Variants in CCDC150 observed in about 807,000 individuals in gnomAD.
CCDC150 encodes the protein coiled-coil domain-containing protein 150.
In CCDC150, 151 loss-of-function variants were observed where a neutral mutation model predicts 156.5. The ratio of observed to expected loss-of-function variants is 0.97; its 90% CI spans 0.85 to 1.10. The LOEUF (loss-of-function observed/expected upper bound fraction) is 1.10, where lower values mean the gene tolerates loss of function less well. Ranked by LOEUF, CCDC150 falls within the 50% of genes least tolerant of loss-of-function variation. CCDC150 has a pLI of 0.00. For missense variants in CCDC150, 1,312 were observed against 1,268.1 expected (o/e 1.03, Z -0.53); for synonymous variants, 452 against 429.4 (o/e 1.05, Z -0.65).
At chr2:196,674,199 T>C (rs759641993) in intron 9 of CCDC150, 42 bp from the exon 10 acceptor site, 1 of 1,171,564 alleles carries the variant, frequency 8.5e-7, no homozygotes, top group South Asian at 1.4e-5. Context: ...AAAATAATTC[T>C]TTATTGGAGA....
chr2:196,673,643 T>A (rs754854950), intron 9 of CCDC150, among the ~76,000 whole-genome samples: 1 of 152,170 alleles, frequency 6.6e-6, no homozygotes, highest in Non-Finnish European at 1.5e-5. Context: ...CAAATCTACC[T>A]TGCAAAAATA....
chr2:196,721,566 C>T lies in CCDC150; in HGVS notation c.2304C>T (p.Asn768=). ...QKALGVARED[N]RKLAMSLEQA... ...CTCTAGGTGTAGCTAGAGAAGACAA[C>T]AGGAAACTTGCTATGAGTCTGGAAC... The change falls in exon 21 of 28, where the codon AAC becomes AAT. Residue 768 remains asparagine (N), a synonymous_variant. Transcript: ENST00000389175. The T allele has an allele frequency of 6.2e-7, 1 of 1,608,266 alleles. No homozygotes were observed. Among genetic ancestry groups the T allele is most frequent in the Non-Finnish European group, 8.5e-7 (1 of 1,177,722 alleles).
intron 2 of CCDC150, among the ~76,000 whole-genome samples, chr2:196,647,942 A>G (rs1306990095): frequency 6.6e-6 from 1 of 152,044 alleles, no homozygotes; most frequent in East Asian, 1.9e-4. Flanking sequence ...TTTGTTAACT[A>G]CTGTTCTACA....
chr2:196,641,545 C>G (rs905361237), intron 1 of CCDC150, among the ~76,000 whole-genome samples: 2 of 152,254 alleles, frequency 1.3e-5, no homozygotes, highest in South Asian at 4.1e-4. Flanking sequence ...ATGTTCTTTC[C>G]TATTTCATTT....
intron 8 of CCDC150, among the ~76,000 whole-genome samples, chr2:196,670,705 G>T: frequency 6.6e-6 from 1 of 152,070 alleles, no homozygotes; most frequent in East Asian, 1.9e-4. Flanking sequence ...AGGAAAAAAT[G>T]TGTATGTATA....
intron 5 of CCDC150, among the ~76,000 whole-genome samples, chr2:196,663,276 G>A (rs759485989): frequency 6.6e-6 from 1 of 152,072 alleles, no homozygotes; most frequent in South Asian, 2.1e-4. Flanking sequence ...GTCTAAAAGT[G>A]CCCAAAAAAC....
chr2:196,668,627 GTTGT>G (rs994865909), intron 7 of CCDC150, among the ~76,000 whole-genome samples: 16 of 152,182 alleles, frequency 1.1e-4, no homozygotes, highest in African/African-American at 2.4e-5. Context: ...GGTACAAGTA[GTTGT>G]TTGAGCTACA....
intron 2 of CCDC150, among the ~76,000 whole-genome samples, chr2:196,646,723 GTTAA>G (rs1353697430): frequency 1.3e-5 from 2 of 152,186 alleles, no homozygotes; most frequent in East Asian, 3.9e-4. Flanking sequence ...TTTAAAATGT[GTTAA>G]TTAGGTATAC....
intron 17 of CCDC150, chr2:196,713,286 A>C: frequency 1.4e-6 from 2 of 1,404,378 alleles, no homozygotes; most frequent in Non-Finnish European, 1.9e-6. Context: ...TGTTTCTCCT[A>C]GTAAAGGGGC....
intron 15 of CCDC150, 45 bp downstream of exon 15, chr2:196,701,225 T>A (rs921219687): frequency 7.9e-7 from 1 of 1,260,018 alleles, no homozygotes. Context: ...ATTTTAAAAA[T>A]ACCAATTATC....
chr2:196,654,426 A>G (rs1008751092), intron 2 of CCDC150, among the ~76,000 whole-genome samples: 1 of 145,758 alleles, frequency 6.9e-6, no homozygotes, highest in African/African-American at 2.5e-5. Context: ...AGCTATCTTC[A>G]CTCCTTTTCA....
intron 1 of CCDC150, among the ~76,000 whole-genome samples, 196 bp from the exon 2 acceptor site, chr2:196,646,145 G>A (rs1293135438): frequency 6.6e-6 from 1 of 152,158 alleles, no homozygotes; most frequent in Admixed American, 6.5e-5. Flanking sequence ...ATCTCATAGG[G>A]GAGGGAAAAG....
intron 21 of CCDC150, among the ~76,000 whole-genome samples, chr2:196,722,230 T>G (rs760216768): frequency 3.3e-5 from 5 of 152,150 alleles, no homozygotes; most frequent in Non-Finnish European, 5.9e-5. Context: ...CCATGAAAAT[T>G]TATACTTAAG....
At chr2:196,702,270 A>T (rs1331458148) in intron 15 of CCDC150, among the ~76,000 whole-genome samples, 1 of 151,544 alleles carries the variant, frequency 6.6e-6, no homozygotes, top group Non-Finnish European at 1.5e-5. Context: ...GAAGGGGGAA[A>T]ATTCCCATGA....
intron 14 of CCDC150, among the ~76,000 whole-genome samples, chr2:196,698,785 AC>A (rs1379908547): frequency 6.6e-6 from 1 of 152,126 alleles, no homozygotes; most frequent in Non-Finnish European, 1.5e-5. Context: ...GGTGTGCTGC[AC>A]CCATTAACTC....
intron 15 of CCDC150, among the ~76,000 whole-genome samples, chr2:196,710,014 C>G (rs924604402): frequency 1.3e-5 from 2 of 152,244 alleles, no homozygotes; most frequent in African/African-American, 4.8e-5. Context: ...AGCTCAAACA[C>G]TGTGCTGCGA....
intron 13 of CCDC150, among the ~76,000 whole-genome samples, chr2:196,692,651 G>A (rs1388119701): frequency 3.3e-5 from 5 of 152,166 alleles, no homozygotes; most frequent in African/African-American, 1.2e-4. Context: ...GGATTTCTTA[G>A]TCTTGAATTC....
intron 13 of CCDC150, among the ~76,000 whole-genome samples, chr2:196,682,605 A>G (rs1189388519): frequency 6.6e-6 from 1 of 152,104 alleles, no homozygotes; most frequent in Non-Finnish European, 1.5e-5. Flanking sequence ...TGTATAAAGT[A>G]TGTCCTCACT....
chr2:196,699,545 G>C (rs1396368357), intron 14 of CCDC150, among the ~76,000 whole-genome samples: 1 of 151,654 alleles, frequency 6.6e-6, no homozygotes, highest in East Asian at 1.9e-4. Flanking sequence ...TTGAAATGGG[G>C]GTCTTGCTCT....
Sources: allele counts gnomAD v4.1 joint callset (sites outside exome capture counted in the v4.1 genomes callset), GRCh38; gene constraint gnomAD v4.1.1; transcripts MANE v1.5; gene names NCBI Gene and HGNC (gene_info 2026-07-23, HGNC 2026-07-21).